The following DPP10 variants were observed in gnomAD, a reference collection of about 807,000 sequenced individuals.
DPP10 encodes dipeptidyl peptidase like 10.
Under a neutral mutation model 120.9 loss-of-function variants are expected in DPP10, and 33 were observed. That is an observed-to-expected ratio of 0.27 (90% confidence interval 0.21 to 0.37). The LOEUF is 0.37. DPP10 is among the 10% of genes least tolerant of loss of function. The pLI, the probability that DPP10 is intolerant of heterozygous loss-of-function variation, is 1.00. For missense variants in DPP10, 816 were observed against 942.8 expected, an observed-to-expected ratio of 0.87 and a Z score of 1.76; for synonymous variants, 337 against 326.1, an observed-to-expected ratio of 1.03 and a Z score of -0.36.
chr2:115,842,091 GTTT>G, intron 25 of DPP10, 117 bp from the exon 26 acceptor site: 6 of 962,422 alleles, frequency 6.2e-6, no homozygotes, highest in Non-Finnish European at 8.7e-6. Flanking sequence ...GTAGAATTAG[GTTT>G]GATTTTGGTC....
At chr2:115,005,123 T>A (rs1362302155) in intron 1 of DPP10, among the ~76,000 whole-genome samples, 1 of 150,738 alleles carries the variant, frequency 6.6e-6, no homozygotes, top group Non-Finnish European at 1.5e-5. Flanking sequence ...CACCTCACAC[T>A]GCAGGGTACT....
chr2:115,331,726 T>G (rs1439348719), intron 2 of DPP10, among the ~76,000 whole-genome samples: 3 of 152,234 alleles, frequency 2.0e-5, no homozygotes, highest in Non-Finnish European at 2.9e-5. Context: ...GGATTATGTT[T>G]GTTGATTTGC....
At chr2:115,214,920 C>T (rs2056728753) in intron 1 of DPP10, among the ~76,000 whole-genome samples, 1 of 152,204 alleles carries the variant, frequency 6.6e-6, no homozygotes, top group South Asian at 2.1e-4. Flanking sequence ...TATCCTAGCA[C>T]ATCTTGCCTT....
At chr2:114,769,300 T>A (rs1681033438) in intron 1 of DPP10, among the ~76,000 whole-genome samples, 1 of 152,042 alleles carries the variant, frequency 6.6e-6, no homozygotes, top group African/African-American at 2.4e-5. Context: ...GTTGGCAACT[T>A]GTCATCAACT....
At chr2:114,894,151 T>C (rs13408936) in intron 1 of DPP10, among the ~76,000 whole-genome samples, 1,871 of 152,320 alleles carry the variant, frequency 0.012, 34 homozygotes, top group African/African-American at 0.043. Context: ...GGCAAGTTTT[T>C]CTTGCATACA....
chr2:114,768,127 CAA>C (rs759782705), intron 1 of DPP10, among the ~76,000 whole-genome samples: 4,002 of 49,896 alleles, frequency 0.08, 151 homozygotes, highest in African/African-American at 0.23. Context: ...GGCTCTGTCT[CAA>C]AAAAAAAAAA....
chr2:115,768,318 A>G lies in DPP10; in HGVS notation c.1135A>G (p.Arg379Gly). ...TTAGAATGAGGAGCCCGTGTTTTCT[A>G]GAGACGGCAGCAAATTCTTTATGAC... is the stretch of plus-strand genomic sequence containing the variant. Reference protein sequence around the residue: ...SQQNEEPVFSRDGSKFFMTVP... With the variant: ...SQQNEEPVFSGDGSKFFMTVP... Residue 379 changes from arginine to glycine, a missense_variant, in exon 13 of 26, where the codon AGA (arginine) becomes GGA (glycine). Around this residue, in one of 3 missense-constraint regions of DPP10, gnomAD observed 592 missense variants for 649.0 expected, o/e 0.91. Coordinates refer to ENST00000410059, the MANE Select transcript of DPP10 (RefSeq NM_020868.6). 2 of 1,613,638 alleles carry G rather than the reference A, an allele frequency of 1.2e-6. No homozygotes were observed. The highest frequency in any genetic ancestry group is 1.7e-6 in the Non-Finnish European group (2 of 1,179,692).
At chr2:115,637,943 A>G (rs144249656) in intron 5 of DPP10, among the ~76,000 whole-genome samples, 171 of 152,330 alleles carry the variant, frequency 1.1e-3, no homozygotes, top group African/African-American at 3.8e-3. Context: ...GCACTGAATC[A>G]TGAAACTAAG....
intron 10 of DPP10, among the ~76,000 whole-genome samples, chr2:115,751,616 G>A (rs1678719278): frequency 6.6e-6 from 1 of 152,050 alleles, no homozygotes; most frequent in Non-Finnish European, 1.5e-5. Flanking sequence ...ACTTTGATAG[G>A]CTAACAGGTT....
At chr2:115,726,255 A>G (rs1430533050) in intron 7 of DPP10, among the ~76,000 whole-genome samples, 4 of 152,174 alleles carry the variant, frequency 2.6e-5, no homozygotes, top group African/African-American at 4.8e-5. Flanking sequence ...GATAATTTAC[A>G]TATCAGCTAA....
At chr2:115,005,016 G>A (rs908255405) in intron 1 of DPP10, among the ~76,000 whole-genome samples, 2 of 152,170 alleles carry the variant, frequency 1.3e-5, no homozygotes, top group African/African-American at 4.8e-5. Context: ...GGCAGCTGGA[G>A]ATCTGACAAT....
intron 1 of DPP10, among the ~76,000 whole-genome samples, chr2:114,559,976 T>C (rs1688637772): frequency 1.3e-5 from 2 of 151,268 alleles, no homozygotes; most frequent in South Asian, 4.2e-4. Flanking sequence ...CTTTCTCTGA[T>C]ACACACTCCT....
intron 1 of DPP10, among the ~76,000 whole-genome samples, chr2:114,971,688 G>A (rs1304159530): frequency 6.6e-6 from 1 of 152,080 alleles, no homozygotes; most frequent in Non-Finnish European, 1.5e-5. Flanking sequence ...AAGAAACACA[G>A]GAAAAGGGGG....
intron 21 of DPP10, among the ~76,000 whole-genome samples, chr2:115,829,118 A>C (rs1688666972): frequency 6.6e-6 from 1 of 152,148 alleles, no homozygotes; most frequent in South Asian, 2.1e-4. Context: ...CAGTGATTTT[A>C]TTATTTAGAT....
Position 115,527,771 on chromosome 2 carries a change from T to C in DPP10, c.441+1799T>C, listed in dbSNP as rs138209309. Among the ~76,000 whole-genome samples, 1,320 of 152,252 alleles carry C rather than the reference T, an allele frequency of 8.7e-3. 22 individuals are homozygous for C. Among genetic ancestry groups the C allele is most frequent in the African/African-American group, 0.031 (1,271 of 41,568 alleles). ...TAAGTACATGAAAATATTTTAACAT[T>C]ACTAGCCAATAGGTAAATGCAAATT... On this transcript the variant is annotated intron_variant, in intron 5 of 25. Transcript: ENST00000410059.
intron 3 of DPP10, among the ~76,000 whole-genome samples, chr2:115,403,261 A>G (rs977740962): frequency 6.6e-6 from 1 of 152,028 alleles, no homozygotes; most frequent in Non-Finnish European, 1.5e-5. Context: ...TCAGCACAAT[A>G]TATGACAAAC....
At chr2:115,433,393 G>A (rs924180226) in intron 3 of DPP10, among the ~76,000 whole-genome samples, 9 of 151,716 alleles carry the variant, frequency 5.9e-5, no homozygotes, top group Non-Finnish European at 1.0e-4. Flanking sequence ...TTCAGGCAGG[G>A]CTACTTTAGC....
intron 1 of DPP10, among the ~76,000 whole-genome samples, chr2:114,812,618 A>ACACACACACACACACACACAC (rs1558766410): frequency 1.3e-5 from 2 of 149,870 alleles, no homozygotes; most frequent in African/African-American, 2.5e-5. Flanking sequence ...ACACACACAC[A>ACACACACACACACACACACAC]ATTATAATTA....
At chr2:114,893,945 T>C (rs1431787173) in intron 1 of DPP10, among the ~76,000 whole-genome samples, 1 of 152,318 alleles carries the variant, frequency 6.6e-6, no homozygotes, top group East Asian at 1.9e-4. Flanking sequence ...TCCTGCCACC[T>C]AAGAATCTTT....
Sources: allele counts gnomAD v4.1 joint callset (sites outside exome capture counted in the v4.1 genomes callset), GRCh38; gene constraint gnomAD v4.1.1; regional missense constraint gnomAD v4.1.1; transcripts MANE v1.5; gene names NCBI Gene and HGNC (gene_info 2026-07-23, HGNC 2026-07-21).